CSMD1: variants seen among roughly 807,000 people sequenced by gnomAD.
The protein encoded by CSMD1 is CUB and sushi domain-containing protein 1.
In CSMD1, 213 loss-of-function variants were observed where a neutral mutation model predicts 417.5. That is an observed-to-expected ratio of 0.51 (90% confidence interval 0.46 to 0.57). The LOEUF (loss-of-function observed/expected upper bound fraction) is 0.57, where lower values mean the gene tolerates loss of function less well. CSMD1 is among the 20% of genes least tolerant of loss of function. CSMD1 has a pLI of 0.00. For missense variants in CSMD1, 6,923 were observed against 4,529.7 expected, an observed-to-expected ratio of 1.53 and a Z score of -15.17; for synonymous variants, 2,862 against 1,736.8, an observed-to-expected ratio of 1.65 and a Z score of -16.11.
intron 10 of CSMD1, among the ~76,000 whole-genome samples, chr8:3,565,131 CAAA>C (rs869248314): frequency 7.3e-3 from 76 of 10,436 alleles, no homozygotes; most frequent in South Asian, 0.014. Flanking sequence ...TGCAAGACAG[CAAA>C]AAAAAAAAAA....
intron 25 of CSMD1, among the ~76,000 whole-genome samples, chr8:3,298,529 C>T (rs1175040178): frequency 1.3e-5 from 2 of 152,212 alleles, no homozygotes; most frequent in Non-Finnish European, 2.9e-5. Context: ...TCGTGGCTCA[C>T]TGCAACCTCT....
At chr8:4,681,012 G>C (rs1256682553) in intron 1 of CSMD1, among the ~76,000 whole-genome samples, 1 of 151,140 alleles carries the variant, frequency 6.6e-6, no homozygotes, top group Non-Finnish European at 1.5e-5. Flanking sequence ...GAATGAGAAA[G>C]TCATGCAACC....
chr8:4,023,155 A>T (rs926515053), intron 4 of CSMD1, among the ~76,000 whole-genome samples: 15 of 152,188 alleles, frequency 9.9e-5, no homozygotes, highest in African/African-American at 3.4e-4. Context: ...TGCCCATCAC[A>T]ACTCAAGTTC....
rs117653966 is a variant in CSMD1 at position 4,599,600 on chromosome 8, T to C, written c.302+37742A>G. On this transcript the variant is annotated intron_variant, in intron 2 of 69. Transcript: ENST00000635120. ...CGTCAACGAATATAAATGTATACTG[T>C]ACTTTACCACACTTCTGTCCATCTC... is the stretch of plus-strand genomic sequence containing the variant. Among the ~76,000 whole-genome samples, 102 of 152,294 alleles carry C rather than the reference T, an allele frequency of 6.7e-4. 1 individual carries two copies. In the East Asian group the frequency reaches 0.014, roughly 21 times the overall value.
intron 1 of CSMD1, among the ~76,000 whole-genome samples, chr8:4,968,716 G>C (rs891919714): frequency 6.6e-6 from 1 of 152,080 alleles, no homozygotes; most frequent in Non-Finnish European, 1.5e-5. Flanking sequence ...AGTGGCAGCA[G>C]ATAAACGTTT....
intron 2 of CSMD1, among the ~76,000 whole-genome samples, chr8:4,608,306 G>A (rs997225692): frequency 6.6e-5 from 10 of 152,196 alleles, no homozygotes; most frequent in Non-Finnish European, 1.5e-4. Flanking sequence ...GGGCAAAGTG[G>A]GGAGATGGGT....
chr8:3,045,112 A>G lies in CSMD1; in HGVS notation c.7660+7350T>C, dbSNP rs116591635. 7.4e-3 allele frequency among the ~76,000 whole-genome samples: 1,127 copies of G among 152,346 alleles called. 22 individuals carry two copies. Among genetic ancestry groups the G allele is most frequent in the African/African-American group, 0.025 (1,050 of 41,580 alleles). On this transcript the variant is annotated intron_variant, in intron 50 of 69. Transcript: ENST00000635120. ...CATCTCTTTTTTACAAACTTTAAAG[A>G]ACGACGGGAGGAAATGCTTACTTGA...
chr8:3,630,505 A>C (rs528597762), intron 7 of CSMD1, among the ~76,000 whole-genome samples: 30 of 152,328 alleles, frequency 2.0e-4, no homozygotes, highest in African/African-American at 6.5e-4. Flanking sequence ...TCCAATTTAT[A>C]TGTTAAACAG....
At chr8:3,164,082 C>A (rs141135101) in intron 37 of CSMD1, among the ~76,000 whole-genome samples, 27 of 152,118 alleles carry the variant, frequency 1.8e-4, no homozygotes, top group Admixed American at 1.3e-3. Flanking sequence ...ACCAGCTTGC[C>A]GAGTGTTTCC....
chr8:4,304,066 C>T (rs73660737), intron 3 of CSMD1, among the ~76,000 whole-genome samples: 2 of 152,198 alleles, frequency 1.3e-5, no homozygotes, highest in East Asian at 1.9e-4. Flanking sequence ...CACAAAGCCT[C>T]GATGAAACCC....
intron 2 of CSMD1, among the ~76,000 whole-genome samples, chr8:4,450,437 C>A (rs969372988): frequency 6.6e-6 from 1 of 152,052 alleles, no homozygotes; most frequent in Non-Finnish European, 1.5e-5. Context: ...ACCATCTTGG[C>A]CAACAGGGTG....
At chr8:4,343,978 T>C (rs1800633670) in intron 3 of CSMD1, among the ~76,000 whole-genome samples, 1 of 152,154 alleles carries the variant, frequency 6.6e-6, no homozygotes, top group Admixed American at 6.5e-5. Context: ...TAAATTCTAG[T>C]AAAGCCATTG....
At chr8:4,470,526 G>A (rs1800466111) in intron 2 of CSMD1, among the ~76,000 whole-genome samples, 1 of 152,184 alleles carries the variant, frequency 6.6e-6, no homozygotes, top group South Asian at 2.1e-4. Flanking sequence ...TACATTAAAT[G>A]AACTCAGACA....
chr8:3,196,178 G>C (rs1443093059), intron 33 of CSMD1, among the ~76,000 whole-genome samples: 1 of 152,122 alleles, frequency 6.6e-6, no homozygotes, highest in Non-Finnish European at 1.5e-5. Context: ...CATGCTAAAA[G>C]ACACTCCCAC....
chr8:4,454,618 A>G (rs1032498262), intron 2 of CSMD1, among the ~76,000 whole-genome samples: 6 of 152,210 alleles, frequency 3.9e-5, no homozygotes, highest in African/African-American at 1.4e-4. Context: ...GCATAGCAGA[A>G]GGAAGCTGAT....
intron 23 of CSMD1, among the ~76,000 whole-genome samples, chr8:3,325,950 G>A (rs1349827665): frequency 6.6e-6 from 1 of 152,216 alleles, no homozygotes; most frequent in South Asian, 2.1e-4. Context: ...AAAATAATTG[G>A]CAAAACTAAA....
intron 3 of CSMD1, among the ~76,000 whole-genome samples, chr8:4,306,597 G>C (rs569746563): frequency 6.6e-6 from 1 of 152,230 alleles, no homozygotes; most frequent in Admixed American, 6.5e-5. Context: ...GCATCCTGAT[G>C]CTTTCCTTCT....
At chr8:4,266,825 C>T (rs1424150920) in intron 3 of CSMD1, among the ~76,000 whole-genome samples, 1 of 104,172 alleles carries the variant, frequency 9.6e-6, no homozygotes, top group African/African-American at 2.6e-5. Context: ...GATGACTTTT[C>T]ATTTACTGCA....
chr8:3,646,750 G>T (rs17397289), intron 7 of CSMD1, among the ~76,000 whole-genome samples: 1 of 152,058 alleles, frequency 6.6e-6, no homozygotes, highest in Admixed American at 6.5e-5. Context: ...AGGCTGGAAA[G>T]AACGTTTTCA....
Sources: gnomAD v4.1 joint callset for allele counts (sites outside exome capture counted in the v4.1 genomes callset) on GRCh38, gnomAD v4.1.1 for gene constraint, MANE v1.5 for transcripts, NCBI Gene and HGNC (gene_info 2026-07-23, HGNC 2026-07-21) for gene names.